The following DNAJB6 variants were observed in gnomAD, a reference collection of about 807,000 sequenced individuals.
The protein encoded by DNAJB6 is dnaJ homolog subfamily B member 6.
A neutral mutation model predicts 42.7 loss-of-function variants in DNAJB6; 16 were observed. That is an observed-to-expected ratio of 0.37 (90% CI 0.25 to 0.57). The LOEUF (loss-of-function observed/expected upper bound fraction) is 0.57. DNAJB6 is among the 20% of genes least tolerant of loss of function. The probability of loss-of-function intolerance (pLI) is 0.74; values close to 1 mark genes in which losing one functional copy is unlikely to be tolerated. For synonymous variants in DNAJB6, 170 were observed against 163.5 expected (o/e 1.04, Z -0.30); for missense variants, 347 against 416.8 (o/e 0.83, Z 1.46).
intron 3 of DNAJB6, among the ~76,000 whole-genome samples, chr7:157,363,729 A>G (rs959612563): frequency 2.0e-5 from 3 of 152,180 alleles, no homozygotes; most frequent in Non-Finnish European, 1.5e-5. Context: ...CATACAGCTA[A>G]AATTTAGATT....
intron 8 of DNAJB6, 31 bp from the exon 9 acceptor site, chr7:157,409,764 C>G (rs1383365457): frequency 6.7e-7 from 1 of 1,501,034 alleles, no homozygotes; most frequent in African/African-American, 1.4e-5. Flanking sequence ...GCCGCTCACT[C>G]ACGGCTCTCT....
chr7:157,370,060 GTT>G lies in DNAJB6; in HGVS notation c.346+2578_346+2579del, dbSNP rs1563128876. 4.7e-4 allele frequency among the ~76,000 whole-genome samples: 58 copies of G among 124,360 alleles called. 2 individuals are homozygous for G. The highest frequency in any genetic ancestry group is 1.8e-3 in the African/African-American group (54 of 30,596). The allele number at this position is 124,360 out of a possible 152,430, so 81.6% of individuals were successfully genotyped here. A position where few individuals can be genotyped will look rare whatever the true frequency, so the allele number is the denominator to read the frequency against. ...TATTATTAAACAGGTCTTTCATAACGTTATTATTAAACGGGCCCCTTCTTAAC... is the reference window on the plus strand; with the variant it reads ...TATTATTAAACAGGTCTTTCATAACGATTATTAAACGGGCCCCTTCTTAAC... On this transcript the variant is annotated intron_variant, in intron 5 of 9. Transcript: ENST00000262177.
chr7:157,367,866 A>C (rs1799919237), intron 5 of DNAJB6, among the ~76,000 whole-genome samples: 3 of 152,112 alleles, frequency 2.0e-5, no homozygotes, highest in Admixed American at 2.0e-4. Flanking sequence ...GTCTCAAAAA[A>C]AAAAAAGTTA....
At chr7:157,362,232 G>C (rs571202123) in intron 2 of DNAJB6, among the ~76,000 whole-genome samples, 1 of 152,248 alleles carries the variant, frequency 6.6e-6, no homozygotes, top group African/African-American at 2.4e-5. Context: ...TGGCCTGTTG[G>C]GTGGCAGGTG....
intron 1 of DNAJB6, among the ~76,000 whole-genome samples, chr7:157,340,750 C>G (rs1168860193): frequency 6.6e-6 from 1 of 151,996 alleles, no homozygotes; most frequent in Non-Finnish European, 1.5e-5. Flanking sequence ...GGTCTTGGCT[C>G]ACTGCACTCC....
At chr7:157,385,283 G>A (rs917028211) in intron 7 of DNAJB6, among the ~76,000 whole-genome samples, 1 of 152,136 alleles carries the variant, frequency 6.6e-6, no homozygotes, top group African/African-American at 2.4e-5. Context: ...TAATAGTAAA[G>A]CCTTTACTGT....
chr7:157,393,902 T>C (rs10272969), intron 8 of DNAJB6, among the ~76,000 whole-genome samples: 6,780 of 152,240 alleles, frequency 0.045, 167 homozygotes, highest in African/African-American at 0.064. Flanking sequence ...TTCTTTCATA[T>C]CAGTTTGCTA....
intron 2 of DNAJB6, among the ~76,000 whole-genome samples, chr7:157,361,535 A>G (rs1488366204): frequency 1.3e-5 from 2 of 152,154 alleles, no homozygotes; most frequent in Non-Finnish European, 2.9e-5. Flanking sequence ...AGATTTTAGT[A>G]TGGTTAAGCC....
At chr7:157,353,452 T>C (rs991403970) in intron 1 of DNAJB6, among the ~76,000 whole-genome samples, 1 of 152,136 alleles carries the variant, frequency 6.6e-6, no homozygotes, top group Non-Finnish European at 1.5e-5. Context: ...AAATGTGGAC[T>C]TTATTCATAT....
At chr7:157,395,231 G>T (rs990105513) in intron 8 of DNAJB6, among the ~76,000 whole-genome samples, 7 of 152,244 alleles carry the variant, frequency 4.6e-5, no homozygotes, top group African/African-American at 1.2e-4. Context: ...AGGGGGCTGG[G>T]GGGGGGTTGG....
At chr7:157,395,544 G>A (rs2117141174) in intron 8 of DNAJB6, among the ~76,000 whole-genome samples, 1 of 152,334 alleles carries the variant, frequency 6.6e-6, no homozygotes, top group East Asian at 1.9e-4. Flanking sequence ...TGGGAAGACA[G>A]AGGAGCTCTG....
At chr7:157,413,690 G>C (rs1796035199) in intron 9 of DNAJB6, 1 of 147,456 alleles carries the variant, frequency 6.8e-6, no homozygotes, top group African/African-American at 2.5e-5. Context: ...AGGAAGGCCT[G>C]CTCTGTTTTT....
intron 5 of DNAJB6, among the ~76,000 whole-genome samples, chr7:157,377,472 T>C (rs1196170675): frequency 6.6e-6 from 1 of 152,232 alleles, no homozygotes; most frequent in Non-Finnish European, 1.5e-5. Context: ...TTGCAGAATC[T>C]GCATGAGTCT....
At chr7:157,354,547 C>T (rs534258721) in intron 1 of DNAJB6, among the ~76,000 whole-genome samples, 4 of 151,950 alleles carry the variant, frequency 2.6e-5, no homozygotes, top group Non-Finnish European at 4.4e-5. Context: ...GGCACGCTTT[C>T]GAACTGGTCT....
intron 1 of DNAJB6, among the ~76,000 whole-genome samples, chr7:157,348,942 CTT>C (rs1264712384): frequency 6.6e-6 from 1 of 152,216 alleles, no homozygotes; most frequent in African/African-American, 2.4e-5. Context: ...GGAGCTTACT[CTT>C]GTTTTTCATT....
At chr7:157,376,438 G>A (rs1217156304) in intron 5 of DNAJB6, among the ~76,000 whole-genome samples, 1 of 152,134 alleles carries the variant, frequency 6.6e-6, no homozygotes, top group African/African-American at 2.4e-5. Flanking sequence ...ATGTTGAAAT[G>A]GAAGAAGTGT....
chr7:157,414,980 G>A (rs957289398), intron 9 of DNAJB6: 2 of 152,292 alleles, frequency 1.3e-5, no homozygotes, highest in African/African-American at 4.8e-5. Flanking sequence ...TCTGGGGCGA[G>A]TCCTGAGTGT....
chr7:157,345,591 G>T (rs1798643518), intron 1 of DNAJB6, among the ~76,000 whole-genome samples: 1 of 152,140 alleles, frequency 6.6e-6, no homozygotes, highest in South Asian at 2.1e-4. Context: ...TTTCACTCCT[G>T]TGTCTTTGCT....
intron 8 of DNAJB6, among the ~76,000 whole-genome samples, chr7:157,397,316 G>A (rs1156702477): frequency 6.6e-6 from 1 of 152,198 alleles, no homozygotes; most frequent in Non-Finnish European, 1.5e-5. Flanking sequence ...AGGAGACACT[G>A]AAGAGCCAGA....
Sources: allele counts gnomAD v4.1 joint callset (sites outside exome capture counted in the v4.1 genomes callset), GRCh38; gene constraint gnomAD v4.1.1; transcripts MANE v1.5; gene names NCBI Gene and HGNC (gene_info 2026-07-23, HGNC 2026-07-21).